Variants in SMPD4 observed in about 807,000 individuals in gnomAD.
SMPD4 encodes sphingomyelin phosphodiesterase 4, also known as neutral sphingomyelinase 3.
In SMPD4, 58 loss-of-function variants were observed where a neutral mutation model predicts 97.8. The ratio of observed to expected loss-of-function variants is 0.59; its 90% confidence interval spans 0.48 to 0.74. The LOEUF (loss-of-function observed/expected upper bound fraction) is 0.74. Among genes scored for constraint, SMPD4 ranks in the 30% least tolerant of loss-of-function variants. The pLI, the probability that SMPD4 is intolerant of heterozygous loss-of-function variation, is 0.00. For synonymous variants in SMPD4, 388 were observed against 450.0 expected, an observed-to-expected ratio of 0.86 and a Z score of 1.74; for missense variants, 853 against 1,080.5, an observed-to-expected ratio of 0.79 and a Z score of 2.95.
At chr2:130,181,750 G>T (rs1170728347), upstream of SMPD4, 6 of 1,548,242 alleles carry the variant, frequency 3.9e-6, no homozygotes, top group Admixed American at 2.0e-5. Context: ...GGAGGGAGTG[G>T]TCCTTAGCTG....
intron 9 of SMPD4, among the ~76,000 whole-genome samples, chr2:130,165,420 C>T (rs1204929188): frequency 2.3e-5 from 3 of 132,906 alleles, no homozygotes; most frequent in African/African-American, 9.2e-5. Context: ...GAACAAAACT[C>T]GGTCTCAAAA....
chr2:130,181,145 G>A (rs1389623410), intron 1 of SMPD4, among the ~76,000 whole-genome samples: 7 of 152,206 alleles, frequency 4.6e-5, no homozygotes, highest in East Asian at 1.9e-4. Flanking sequence ...CCAAGGCTCG[G>A]AGATGTGGAG....
intron 9 of SMPD4, among the ~76,000 whole-genome samples, chr2:130,167,207 AC>A (rs1296226434): frequency 6.7e-6 from 1 of 149,894 alleles, no homozygotes; most frequent in Non-Finnish European, 1.5e-5. Flanking sequence ...TGCAGCCTCC[AC>A]CTCCTGGGTT....
intron 3 of SMPD4, among the ~76,000 whole-genome samples, chr2:130,174,005 TA>T (rs1169307309): frequency 6.6e-6 from 1 of 151,800 alleles, no homozygotes; most frequent in African/African-American, 2.4e-5. Context: ...TAAAAAAATA[TA>T]AAATAAAAAA....
At chr2:130,158,892 C>T (rs1445162368) in intron 11 of SMPD4, among the ~76,000 whole-genome samples, 2 of 152,230 alleles carry the variant, frequency 1.3e-5, no homozygotes, top group African/African-American at 4.8e-5. Flanking sequence ...GGCCACTGCC[C>T]ATATCGCTAC....
At chr2:130,166,679 A>G (rs1310639729) in intron 9 of SMPD4, among the ~76,000 whole-genome samples, 4 of 152,146 alleles carry the variant, frequency 2.6e-5, no homozygotes, top group Admixed American at 2.0e-4. Flanking sequence ...GCACCTGCTG[A>G]ATCTCTCTGT....
intron 11 of SMPD4, chr2:130,158,349 CCTCT>C: frequency 2.6e-6 from 2 of 781,424 alleles, no homozygotes; most frequent in African/African-American, 1.9e-5. Context: ...ACAACGTCTC[CCTCT>C]GTCGCCCAGG....
chr2:130,160,568 T>C (rs1209546630), intron 11 of SMPD4, among the ~76,000 whole-genome samples: 1 of 152,228 alleles, frequency 6.6e-6, no homozygotes, highest in Non-Finnish European at 1.5e-5. Context: ...CTAATCTGCC[T>C]CTGGAGGTGT....
intron 7 of SMPD4, 33 bp from the exon 8 acceptor site, chr2:130,172,533 C>A (rs745639019): frequency 2.5e-6 from 4 of 1,613,058 alleles, no homozygotes; most frequent in Non-Finnish European, 3.4e-6. Context: ...AGCATGGGCT[C>A]TGGACACTGC....
rs747433356 is a variant in SMPD4, at chr2:130,156,104, G to T, written c.1220C>A (p.Pro407Gln). The stretch of plus-strand genomic sequence containing the variant: ...CTGCTTGTCAGGCGCGTACCGCCAC[G>T]GCTGCAGGTAGCTCAGCCACATCTC... ...VLEMWLSYLQ[P>Q]WRYAPDKQAP... Residue 407 changes from proline (P) to glutamine (Q), a missense_variant, in exon 14 of 20, where the codon CCG becomes CAG. By Grantham distance (76) the Pro-to-Gln change is moderately conservative. Coordinates refer to ENST00000680298, the MANE Select transcript of SMPD4 (RefSeq NM_017951.5). The T allele has an allele frequency of 6.2e-7, 1 of 1,611,224 alleles. No individual in the cohort carries two copies. The highest frequency in any genetic ancestry group is 8.5e-7 in the Non-Finnish European group (1 of 1,179,748).
chr2:130,153,229 G>A (rs576034962), intron 18 of SMPD4, 58 bp from the exon 19 acceptor site: 23 of 1,613,086 alleles, frequency 1.4e-5, no homozygotes, highest in South Asian at 3.3e-5. Context: ...ACAACTCAGA[G>A]GAGCCTGATG....
At chr2:130,173,159 C>G in intron 5 of SMPD4, 120 bp downstream of exon 5, 1 of 1,098,774 alleles carries the variant, frequency 9.1e-7, no homozygotes, top group Non-Finnish European at 1.4e-6. Context: ...GCCTCTCACA[C>G]CCCTGGAACG....
In SMPD4 at chr2:130,172,792, G is replaced by T. The variant is rs1475618590; in HGVS notation, c.449C>A (p.Ala150Asp). The T allele has an allele frequency of 2.5e-6, 4 of 1,614,050 alleles. No homozygotes were observed. Among genetic ancestry groups the T allele is most frequent in the African/African-American group, 2.7e-5 (2 of 74,924 alleles). Residue 150 changes from alanine to aspartate, a missense_variant, in exon 6 of 20, where the codon GCC becomes GAC. Ala to Asp is a moderately radical substitution (Grantham distance 126, BLOSUM62 -2). Around this residue, in one of 3 missense-constraint regions of SMPD4, gnomAD observed 313 missense variants for 402.2 expected, o/e 0.78. Coordinates refer to ENST00000680298, the MANE Select transcript of SMPD4 (RefSeq NM_017951.5). Reference protein sequence around the residue: ...TPTGGLGLNLALNPFEYYIFF... With the variant: ...TPTGGLGLNLDLNPFEYYIFF... ...TCAGGGCCACCAAAGGATACTCAGG[G>T]CCAAGTTCAGACCAAGGCCCCCAGT...
chr2:130,179,336 T>C (rs1689272110), intron 1 of SMPD4, among the ~76,000 whole-genome samples: 1 of 151,956 alleles, frequency 6.6e-6, no homozygotes, highest in Non-Finnish European at 1.5e-5. Context: ...TTAGCCAGGA[T>C]GGTCTCGATC....
At chr2:130,161,807 C>T (rs1040753599) in intron 10 of SMPD4, among the ~76,000 whole-genome samples, 2 of 152,166 alleles carry the variant, frequency 1.3e-5, no homozygotes, top group Non-Finnish European at 2.9e-5. Flanking sequence ...GAGCATGTTC[C>T]AGGAGGAGCA....
chr2:130,152,532 T>G lies in SMPD4; in HGVS notation c.*23A>C. ...GGCTGTGTGGCAAATCCCTCCAGCCTGCTCTGAAGGCAGCTGACACCTTCA... is the reference window on the plus strand; with the variant it reads ...GGCTGTGTGGCAAATCCCTCCAGCCGGCTCTGAAGGCAGCTGACACCTTCA... On this transcript the variant is annotated 3_prime_UTR_variant, in exon 20 of 20. Coordinates refer to ENST00000680298, the MANE Select transcript of SMPD4 (RefSeq NM_017951.5). 6.5e-7 allele frequency: 1 copy of G among 1,534,794 alleles called. No individual in the cohort carries two copies. Among genetic ancestry groups the G allele is most frequent in the Non-Finnish European group, 8.8e-7 (1 of 1,136,178 alleles).
intron 3 of SMPD4, 40 bp from the exon 4 acceptor site, chr2:130,173,696 C>A: frequency 1.2e-6 from 2 of 1,612,202 alleles, no homozygotes; most frequent in Non-Finnish European, 1.7e-6. Flanking sequence ...AGGACCAGCA[C>A]CCACTCCTGC....
At chr2:130,178,018 C>T (rs1689137787) in intron 1 of SMPD4, among the ~76,000 whole-genome samples, 1 of 152,152 alleles carries the variant, frequency 6.6e-6, no homozygotes, top group Non-Finnish European at 1.5e-5. Context: ...CAGCTGACAG[C>T]CAGCAAGGAA....
intron 15 of SMPD4, chr2:130,154,715 C>T (rs911860026): frequency 3.7e-5 from 22 of 595,036 alleles, no homozygotes; most frequent in Non-Finnish European, 9.0e-6. Flanking sequence ...AGGTAAACAA[C>T]AGGAGGATCG....
Sources: allele counts gnomAD v4.1 joint callset (sites outside exome capture counted in the v4.1 genomes callset), GRCh38; gene constraint gnomAD v4.1.1; regional missense constraint gnomAD v4.1.1; transcripts MANE v1.5; gene names NCBI Gene and HGNC (gene_info 2026-07-23, HGNC 2026-07-21).